Variants in FAM135B observed in about 807,000 individuals in gnomAD.
FAM135B encodes family with sequence similarity 135 member B.
FAM135B carries 43 observed loss-of-function variants against 127.7 expected under a neutral mutation model. The observed-to-expected ratio is 0.34, with a 90% CI of 0.26 to 0.43. FAM135B has a LOEUF of 0.43. FAM135B is among the 20% of genes least tolerant of loss of function. The pLI is 1.00. For synonymous variants in FAM135B, 670 were observed against 665.1 expected (o/e 1.01, Z -0.11); for missense variants, 1,558 against 1,725.6 (o/e 0.90, Z 1.72).
chr8:138,284,335 C>T (rs1446324937), intron 3 of FAM135B, among the ~76,000 whole-genome samples: 2 of 152,100 alleles, frequency 1.3e-5, no homozygotes, highest in Non-Finnish European at 2.9e-5. Context: ...GCCCAGTGGC[C>T]TTCCTTCTGC....
intron 3 of FAM135B, among the ~76,000 whole-genome samples, chr8:138,271,698 C>A (rs191971481): frequency 6.6e-6 from 1 of 152,056 alleles, no homozygotes; most frequent in African/African-American, 2.4e-5. Context: ...CTGATTGAGG[C>A]GGCAAATTAT....
chr8:138,386,361 C>T (rs73717247), intron 1 of FAM135B, among the ~76,000 whole-genome samples: 2,314 of 152,188 alleles, frequency 0.015, 39 homozygotes, highest in African/African-American at 0.043. Flanking sequence ...CCTCAGTTCC[C>T]TCAAGCCACC....
intron 2 of FAM135B, among the ~76,000 whole-genome samples, chr8:138,365,066 C>G (rs1830658490): frequency 6.6e-6 from 1 of 152,108 alleles, no homozygotes; most frequent in Non-Finnish European, 1.5e-5. Context: ...AGGCTCGTCT[C>G]AAACTCCCAA....
rs765467195 is a variant in FAM135B at position 138,132,608 on chromosome 8, G to A, written c.4206C>T (p.Leu1402=). ...CTCAAAGCCACTACTTGAAGTAGTT[G>A]AGTCCTGCCACCAAGAAAAACTTCT... The part of the protein sequence containing the change: ...FLEKFFLVAG[L]NYFK Residue 1402 remains leucine (L), a synonymous_variant, in exon 20 of 20, where the codon CTC becomes CTT. Coordinates refer to ENST00000395297, the MANE Select transcript of FAM135B (RefSeq NM_015912.4). This position sits in a 1 kb window ranked among gnomAD's most constrained non-coding sequence, Gnocchi z 4.5. 6.2e-7 allele frequency: 1 copy of A among 1,614,058 alleles called. No individual in the cohort carries two copies. The highest frequency in any genetic ancestry group is 8.5e-7 in the Non-Finnish European group (1 of 1,179,936).
At chr8:138,493,832 CCA>C (rs1191066487) in intron 1 of FAM135B, among the ~76,000 whole-genome samples, 1 of 152,178 alleles carries the variant, frequency 6.6e-6, no homozygotes, top group African/African-American at 2.4e-5. Context: ...GTATTCACAT[CCA>C]CACTTTATGA....
At chr8:138,138,387 T>C (rs1816840819) in intron 18 of FAM135B, among the ~76,000 whole-genome samples, 1 of 152,184 alleles carries the variant, frequency 6.6e-6, no homozygotes, top group Non-Finnish European at 1.5e-5. Flanking sequence ...CCAGGCCAGC[T>C]TGTGTGGTGG....
chr8:138,152,948 G>C lies in FAM135B; in HGVS notation c.1527C>G (p.Asn509Lys), dbSNP rs762318358. ...ATTCATCTTCAGGCACACCTGCTTT[G>C]TTTTGAAATTCACCAATTGATATAT... ...QVYISIGEFQ[N>K]KAGVPEDECW... Residue 509 changes from asparagine (N) to lysine (K), a missense_variant, in exon 13 of 20, where the codon AAC becomes AAG. Physicochemically the swap from Asn to Lys is moderately conservative, Grantham distance 94. Around this residue, in one of 5 missense-constraint regions of FAM135B, gnomAD observed 923 missense variants for 865.3 expected, o/e 1.07. Coordinates refer to ENST00000395297, the MANE Select transcript of FAM135B (RefSeq NM_015912.4). The C allele has an allele frequency of 1.9e-6, 3 of 1,614,084 alleles. No individual in the cohort carries two copies. Among genetic ancestry groups the C allele is most frequent in the Admixed American group, 3.3e-5 (2 of 60,010 alleles).
At chr8:138,423,595 A>C (rs1834657503) in intron 1 of FAM135B, among the ~76,000 whole-genome samples, 1 of 152,176 alleles carries the variant, frequency 6.6e-6, no homozygotes, top group Admixed American at 6.5e-5. Flanking sequence ...TCACAAGATA[A>C]TAGAATATCA....
At chr8:138,461,913 A>C (rs1837145689) in intron 1 of FAM135B, among the ~76,000 whole-genome samples, 1 of 152,160 alleles carries the variant, frequency 6.6e-6, no homozygotes, top group South Asian at 2.1e-4. Context: ...GCCCACCCAG[A>C]GCAGCATGAT....
chr8:138,258,279 A>G (rs1007340365), intron 4 of FAM135B, among the ~76,000 whole-genome samples: 7 of 152,198 alleles, frequency 4.6e-5, no homozygotes, highest in African/African-American at 1.4e-4. Context: ...TTAACCAAAG[A>G]TCTCTTTGGA....
chr8:138,451,540 C>G (rs900895197), intron 1 of FAM135B, among the ~76,000 whole-genome samples: 1 of 152,224 alleles, frequency 6.6e-6, no homozygotes, highest in Non-Finnish European at 1.5e-5. Context: ...ACAACCCCTA[C>G]AGCAGAATTT....
At chr8:138,290,789 G>A (rs1006152657) in intron 3 of FAM135B, among the ~76,000 whole-genome samples, 13 of 152,112 alleles carry the variant, frequency 8.5e-5, no homozygotes, top group African/African-American at 7.2e-5. Context: ...GTGCTAACAC[G>A]GATTTAGGAA....
intron 2 of FAM135B, among the ~76,000 whole-genome samples, chr8:138,358,921 A>T (rs1830248845): frequency 6.6e-6 from 1 of 152,096 alleles, no homozygotes; most frequent in Admixed American, 6.6e-5. Flanking sequence ...CCGGTCCCCT[A>T]GAAAGAGCTT....
At chr8:138,134,274 A>G (rs1353908772) in intron 19 of FAM135B, among the ~76,000 whole-genome samples, 2 of 152,224 alleles carry the variant, frequency 1.3e-5, no homozygotes, top group Non-Finnish European at 2.9e-5. Flanking sequence ...ATTATGTAAT[A>G]ACAAGAATAA....
chr8:138,212,288 C>G (rs570728656), intron 7 of FAM135B, among the ~76,000 whole-genome samples: 1 of 152,154 alleles, frequency 6.6e-6, no homozygotes, highest in East Asian at 1.9e-4. Context: ...AGGAAGAACT[C>G]TAAAGTAGAA....
At chr8:138,378,730 T>A (rs1467895087) in intron 1 of FAM135B, among the ~76,000 whole-genome samples, 1 of 151,114 alleles carries the variant, frequency 6.6e-6, no homozygotes, top group Non-Finnish European at 1.5e-5. Flanking sequence ...GCTGTGTATG[T>A]TTGCTTTTTT....
intron 3 of FAM135B, among the ~76,000 whole-genome samples, chr8:138,271,754 T>C (rs1441630946): frequency 6.6e-6 from 1 of 152,218 alleles, no homozygotes; most frequent in Non-Finnish European, 1.5e-5. Context: ...ATTAATTATA[T>C]GATTGGAAAA....
chr8:138,309,858 CTTTTTTTTTTTTTTT>C (rs145453026), intron 3 of FAM135B, among the ~76,000 whole-genome samples: 1 of 86,788 alleles, frequency 1.2e-5, no homozygotes, highest in Non-Finnish European at 2.2e-5. Flanking sequence ...AGTCTTTCTA[CTTTTTTTTTTTTTTT>C]TTTTTTTTTG....
intron 2 of FAM135B, among the ~76,000 whole-genome samples, chr8:138,335,274 G>A (rs1015782403): frequency 6.6e-6 from 1 of 152,132 alleles, no homozygotes; most frequent in Non-Finnish European, 1.5e-5. Flanking sequence ...GGAAGAACCC[G>A]CTGCACTCAG....
Sources: allele counts gnomAD v4.1 joint callset (sites outside exome capture counted in the v4.1 genomes callset), GRCh38; gene constraint gnomAD v4.1.1; regional missense constraint gnomAD v4.1.1; non-coding constraint Gnocchi (gnomAD v3.1); transcripts MANE v1.5; gene names NCBI Gene and HGNC (gene_info 2026-07-23, HGNC 2026-07-21).